Variants in AKT3 observed in about 807,000 individuals in gnomAD.
AKT3 encodes RAC-gamma serine/threonine-protein kinase.
In AKT3, 15 loss-of-function variants were observed where a neutral mutation model predicts 65.3. That is an observed-to-expected ratio of 0.23 (90% confidence interval 0.15 to 0.35). The LOEUF is 0.35. AKT3 is among the 10% of genes least tolerant of loss of function. AKT3 has a pLI of 1.00. For missense variants in AKT3, 243 were observed against 576.5 expected, an observed-to-expected ratio of 0.42 and a Z score of 5.92; for synonymous variants, 206 against 183.8, an observed-to-expected ratio of 1.12 and a Z score of -0.98.
At chr1:243,696,691 T>G (rs984189125) in intron 2 of AKT3, among the ~76,000 whole-genome samples, 2 of 151,960 alleles carry the variant, frequency 1.3e-5, no homozygotes, top group Non-Finnish European at 2.9e-5. Context: ...ATCTGAAGGT[T>G]CCCCTCCTTA....
At chr1:243,843,522 TAAG>T in intron 1 of AKT3, 1 of 1,080,648 alleles carries the variant, frequency 9.3e-7, no homozygotes, top group Non-Finnish European at 1.1e-6. Context: ...AAAAAAGTCT[TAAG>T]AAAACCAGTC....
rs547328485 is a variant in AKT3, at chr1:243,664,519, A to C, written c.284+253T>G. On this transcript the variant is annotated intron_variant, in intron 4 of 13. Transcript: ENST00000673466. ...GCGCCAGGCCAAAAATGTCTTTTTA[A>C]ATTTATATTTTAACCTTTAAATGTT... Among the ~76,000 whole-genome samples the C allele has an allele frequency of 3.5e-3, 535 of 152,088 alleles. 2 individuals carry two copies. The highest frequency in any genetic ancestry group is 0.012 in the African/African-American group (517 of 41,526).
At chr1:243,671,230 A>C (rs1160188159) in intron 3 of AKT3, among the ~76,000 whole-genome samples, 2 of 152,020 alleles carry the variant, frequency 1.3e-5, no homozygotes, top group Non-Finnish European at 1.5e-5. Flanking sequence ...GGTGGCCACC[A>C]CCACATCCAG....
chr1:243,703,642 C>T (rs183047865), intron 2 of AKT3, among the ~76,000 whole-genome samples: 1 of 151,600 alleles, frequency 6.6e-6, no homozygotes, highest in Non-Finnish European at 1.5e-5. Context: ...CCCTTATAAT[C>T]CCAGCTACTC....
At chr1:243,710,864 TGAG>T (rs1686101962) in intron 2 of AKT3, among the ~76,000 whole-genome samples, 1 of 152,184 alleles carries the variant, frequency 6.6e-6, no homozygotes. Context: ...TAAACCTCCA[TGAG>T]GAGAAGAAAT....
intron 2 of AKT3, among the ~76,000 whole-genome samples, chr1:243,790,023 A>G (rs374490180): frequency 6.6e-5 from 10 of 152,192 alleles, no homozygotes; most frequent in Non-Finnish European, 1.3e-4. Flanking sequence ...TTCCACTGAT[A>G]GAGCACAGGC....
intron 4 of AKT3, among the ~76,000 whole-genome samples, chr1:243,658,931 C>G (rs1381790285): frequency 1.3e-5 from 2 of 150,828 alleles, no homozygotes; most frequent in African/African-American, 4.9e-5. Flanking sequence ...ACTGGGGAGG[C>G]TAAGCTGGGA....
intron 10 of AKT3, among the ~76,000 whole-genome samples, chr1:243,561,487 T>C (rs1044343678): frequency 3.9e-5 from 6 of 152,182 alleles, no homozygotes; most frequent in African/African-American, 1.4e-4. Context: ...TACCACCTCT[T>C]AGCTGTGTAC....
rs138084067 is a variant in AKT3 at position 243,729,815 on chromosome 1, T to C, written c.47-34099A>G. 4.7e-4 allele frequency among the ~76,000 whole-genome samples: 72 copies of C among 152,364 alleles called. 1 individual carries two copies. The East Asian group carries it at 0.013, about 28-fold the overall frequency. On this transcript the variant is annotated intron_variant, in intron 2 of 13. Coordinates refer to ENST00000673466, the MANE Select transcript of AKT3 (RefSeq NM_005465.7). The stretch of plus-strand genomic sequence containing the variant: ...CAATAAATGATAGATTACAGTGTTC[T>C]TCTTTATGTATATTTTTCATTTTCC...
At chr1:243,518,512 C>T (rs550952975) in intron 12 of AKT3, among the ~76,000 whole-genome samples, 1 of 152,186 alleles carries the variant, frequency 6.6e-6, no homozygotes, top group African/African-American at 2.4e-5. Flanking sequence ...GTAGTCCCAG[C>T]TACTTGGGAG....
At chr1:243,760,600 T>G (rs1157883218) in intron 2 of AKT3, among the ~76,000 whole-genome samples, 1 of 152,144 alleles carries the variant, frequency 6.6e-6, no homozygotes, top group Admixed American at 6.6e-5. Flanking sequence ...CAAAAAAATT[T>G]GAATAAACTG....
At chr1:243,749,189 G>A (rs1445336796) in intron 2 of AKT3, among the ~76,000 whole-genome samples, 1 of 151,742 alleles carries the variant, frequency 6.6e-6, no homozygotes, top group East Asian at 1.9e-4. Flanking sequence ...CATCTTATCA[G>A]TCTCCATCCT....
intron 5 of AKT3, among the ~76,000 whole-genome samples, chr1:243,642,349 G>C (rs12144518): frequency 6.6e-6 from 1 of 152,096 alleles, no homozygotes; most frequent in South Asian, 2.1e-4. Context: ...TCGCTCTGTC[G>C]CCCAGGCTAG....
At chr1:243,675,176 T>C (rs1265183753) in intron 3 of AKT3, among the ~76,000 whole-genome samples, 1 of 152,172 alleles carries the variant, frequency 6.6e-6, no homozygotes, top group African/African-American at 2.4e-5. Flanking sequence ...ACAATAAACA[T>C]ATACAAAGAC....
At chr1:243,661,072 G>T (rs1055326918) in intron 4 of AKT3, among the ~76,000 whole-genome samples, 1 of 152,176 alleles carries the variant, frequency 6.6e-6, no homozygotes, top group African/African-American at 2.4e-5. Context: ...ACAAACAAAT[G>T]GAAGAACATT....
intron 2 of AKT3, among the ~76,000 whole-genome samples, chr1:243,804,773 G>C (rs1270311645): frequency 6.6e-6 from 1 of 151,894 alleles, no homozygotes; most frequent in Non-Finnish European, 1.5e-5. Flanking sequence ...CGTGAACCTG[G>C]GAGGTGGAGC....
chr1:243,660,644 C>G (rs1161623290), intron 4 of AKT3, among the ~76,000 whole-genome samples: 2 of 152,172 alleles, frequency 1.3e-5, no homozygotes, highest in Non-Finnish European at 2.9e-5. Context: ...TCTTTGAAAA[C>G]TGGCACAAGA....
At chr1:243,840,655 A>G (rs1472859593) in intron 2 of AKT3, among the ~76,000 whole-genome samples, 4 of 152,210 alleles carry the variant, frequency 2.6e-5, no homozygotes, top group Non-Finnish European at 5.9e-5. Context: ...TAAATGTTAC[A>G]GTTGAAAAAC....
At chr1:243,548,739 A>T (rs1672842388) in intron 11 of AKT3, among the ~76,000 whole-genome samples, 2 of 152,240 alleles carry the variant, frequency 1.3e-5, no homozygotes, top group African/African-American at 4.8e-5. Flanking sequence ...TACTGAATAC[A>T]TGAGGTCATG....
Sources: allele counts gnomAD v4.1 joint callset (sites outside exome capture counted in the v4.1 genomes callset), GRCh38; gene constraint gnomAD v4.1.1; transcripts MANE v1.5; gene names NCBI Gene and HGNC (gene_info 2026-07-23, HGNC 2026-07-21).